Variants in ARB2A observed in about 807,000 individuals in gnomAD.
ARB2A encodes cotranscriptional regulator ARB2A.
chr5:94,052,998 C>T, the ARB2A span: 1 of 425,402 alleles, frequency 2.4e-6, no homozygotes. Context: ...AAACATTCTA[C>T]TTGGCCTTTA....
At chr5:93,960,094 CCA>C in the ARB2A span, among the ~76,000 whole-genome samples, 5 of 141,738 alleles carry the variant, frequency 3.5e-5, no homozygotes, top group African/African-American at 1.4e-4. Context: ...CCCCCCCCCC[CCA>C]AAAAAAGCCC....
At chr5:93,827,815 G>T in the ARB2A span, among the ~76,000 whole-genome samples, 1 of 151,726 alleles carries the variant, frequency 6.6e-6, no homozygotes, top group African/African-American at 2.4e-5. Flanking sequence ...TTCTACATAT[G>T]GCTAGCCAGT....
chr5:94,053,644 C>T, the ARB2A span, among the ~76,000 whole-genome samples: 2 of 152,018 alleles, frequency 1.3e-5, no homozygotes, highest in Non-Finnish European at 2.9e-5. Context: ...CATATTATTC[C>T]ATTTTTAGGG....
the ARB2A span, among the ~76,000 whole-genome samples, chr5:93,678,408 TC>T: frequency 6.6e-6 from 1 of 152,088 alleles, no homozygotes; most frequent in Admixed American, 6.5e-5. Context: ...GCTGGGGCAA[TC>T]ATAATCAAGG....
the ARB2A span, among the ~76,000 whole-genome samples, chr5:93,717,995 C>T: frequency 8.6e-5 from 13 of 151,768 alleles, no homozygotes; most frequent in Admixed American, 1.3e-4. Context: ...CCACCATGCC[C>T]GGCTAAGTTT....
At chr5:93,620,704 C>T in the ARB2A span, 4 of 301,708 alleles carry the variant, frequency 1.3e-5, no homozygotes, top group African/African-American at 6.5e-5. Flanking sequence ...TAGAGCTTCG[C>T]CGGCCGAGCC....
At chr5:93,696,445 T>A in the ARB2A span, among the ~76,000 whole-genome samples, 1 of 152,150 alleles carries the variant, frequency 6.6e-6, no homozygotes, top group Non-Finnish European at 1.5e-5. Context: ...GATCTCTCCT[T>A]CTCAATCCCT....
chr5:93,741,289 A>G, the ARB2A span: 14 of 1,613,602 alleles, frequency 8.7e-6, no homozygotes, highest in East Asian at 3.1e-4. Flanking sequence ...GGGGCGTCGC[A>G]ACCAGTCCCC....
chr5:93,915,391 A>G, the ARB2A span, among the ~76,000 whole-genome samples: 2 of 151,640 alleles, frequency 1.3e-5, no homozygotes, highest in Admixed American at 6.6e-5. Flanking sequence ...CTTACTTCTG[A>G]GAATAATGCA....
At chr5:93,955,672 TG>T in the ARB2A span, among the ~76,000 whole-genome samples, 1 of 152,246 alleles carries the variant, frequency 6.6e-6, no homozygotes, top group Non-Finnish European at 1.5e-5. Flanking sequence ...TCTCAATCCT[TG>T]TTTTCACAAA....
chr5:93,924,263 A>G, the ARB2A span, among the ~76,000 whole-genome samples: 1 of 152,300 alleles, frequency 6.6e-6, no homozygotes, highest in East Asian at 1.9e-4. Flanking sequence ...GGAGCAAGGA[A>G]GCAAAAGAAA....
At chr5:93,741,458 T>C in the ARB2A span, 2 of 1,613,384 alleles carry the variant, frequency 1.2e-6, no homozygotes, top group Admixed American at 1.7e-5. Context: ...GCCTGGGTGC[T>C]CAACCAGGTC....
chr5:93,670,824 C>T, the ARB2A span, among the ~76,000 whole-genome samples: 1 of 152,126 alleles, frequency 6.6e-6, no homozygotes, highest in Non-Finnish European at 1.5e-5. Context: ...TATAAAAATG[C>T]AATGGTGATT....
chr5:94,043,617 TC>T, the ARB2A span, among the ~76,000 whole-genome samples: 1 of 152,206 alleles, frequency 6.6e-6, no homozygotes, highest in Admixed American at 6.5e-5. Context: ...AGACCTGGCC[TC>T]ATACTTTACC....
the ARB2A span, among the ~76,000 whole-genome samples, chr5:93,959,461 T>C: frequency 6.6e-6 from 1 of 151,886 alleles, no homozygotes; most frequent in Admixed American, 6.6e-5. Context: ...CAGAAATATA[T>C]TGCACCTATA....
the ARB2A span, among the ~76,000 whole-genome samples, chr5:93,675,940 G>C: frequency 6.6e-6 from 1 of 152,178 alleles, no homozygotes; most frequent in African/African-American, 2.4e-5. Flanking sequence ...AAACTTAGTG[G>C]AACAAATTTG....
chr5:93,922,139 A>G, the ARB2A span, among the ~76,000 whole-genome samples: 1 of 152,208 alleles, frequency 6.6e-6, no homozygotes, highest in East Asian at 1.9e-4. Context: ...AGATGCCATC[A>G]TTGTTACAGA....
chr5:93,632,318 T>C, the ARB2A span, among the ~76,000 whole-genome samples: 196 of 152,262 alleles, frequency 1.3e-3, 1 homozygote, highest in African/African-American at 4.6e-3. Context: ...AGGAGCCAGG[T>C]GAAAGTCTGT....
the ARB2A span, among the ~76,000 whole-genome samples, chr5:93,852,773 G>A: frequency 5.3e-5 from 8 of 152,050 alleles, no homozygotes; most frequent in East Asian, 1.9e-4. Flanking sequence ...GTAGATATGC[G>A]GCGTTATTTC....
Sources: gnomAD v4.1 joint callset for allele counts (sites outside exome capture counted in the v4.1 genomes callset) on GRCh38, gnomAD v4.1.1 for gene constraint, MANE v1.5 for transcripts, NCBI Gene and HGNC (gene_info 2026-07-23, HGNC 2026-07-21) for gene names.